The following COL6A1 variants were observed in gnomAD, a reference collection of about 807,000 sequenced individuals.
COL6A1 encodes collagen type VI alpha 1 chain.
In COL6A1, 80 loss-of-function variants were observed where a neutral mutation model predicts 145.6. The ratio of observed to expected loss-of-function variants is 0.55; its 90% CI spans 0.46 to 0.66. The LOEUF (loss-of-function observed/expected upper bound fraction) is 0.66, where lower values mean the gene tolerates loss of function less well. COL6A1 is among the 30% of genes least tolerant of loss of function. The pLI is 0.00. For missense variants in COL6A1, 1,364 were observed against 1,473.8 expected (o/e 0.93, Z 1.22); for synonymous variants, 638 against 622.8 (o/e 1.02, Z -0.36).
At chr21:45,987,438 G>C in intron 6 of COL6A1, 61 bp from the exon 7 acceptor site, 1 of 1,610,274 alleles carries the variant, frequency 6.2e-7, no homozygotes, top group Non-Finnish European at 8.5e-7. Context: ...ATGTCACCCT[G>C]TGTCCCAGCC....
intron 27 of COL6A1, 34 bp from the exon 28 acceptor site, chr21:46,000,297 T>A: frequency 6.2e-7 from 1 of 1,613,498 alleles, no homozygotes; most frequent in South Asian, 1.1e-5. Context: ...AGGGGCTGTC[T>A]ATGGCCCCAG....
At chr21:45,999,789 T>TG in intron 27 of COL6A1, 97 bp downstream of exon 27, 1 of 720,396 alleles carries the variant, frequency 1.4e-6, no homozygotes, top group Non-Finnish European at 2.2e-6. Context: ...TAGACGCTGC[T>TG]CACGGGGGGG....
chr21:46,000,101 C>A (rs2077834670), intron 27 of COL6A1, among the ~76,000 whole-genome samples: 1 of 143,950 alleles, frequency 6.9e-6, no homozygotes, highest in South Asian at 2.3e-4. Flanking sequence ...TGAGGGGACC[C>A]GTGACGGCCA....
At position 45,992,363 on chromosome 21, in the gene COL6A1, G is replaced by A; in HGVS notation, c.1237G>A (p.Gly413Arg). The stretch of plus-strand genomic sequence containing the variant: ...CGGCGTCTGTTTCTCTTCATCCCAG[G>A]GGAACCCAGGACCTGACGGTGCCCC... The part of the protein sequence containing the change: ...PGEKGEAGDE[G>R]NPGPDGAPGE... Residue 413 changes from glycine to arginine, a missense_variant and splice_region_variant, in exon 18 of 35, where the codon GGG becomes AGG. By Grantham distance (125) the Gly-to-Arg change is moderately radical. Transcript: ENST00000361866. 6.2e-7 allele frequency: 1 copy of A among 1,613,720 alleles called. No individual in the cohort carries two copies. Among genetic ancestry groups the A allele is most frequent in the Non-Finnish European group, 8.5e-7 (1 of 1,180,016 alleles).
At chr21:45,990,940 G>A (rs909143548) in intron 14 of COL6A1, 39 bp from the exon 15 acceptor site, 18 of 1,612,604 alleles carry the variant, frequency 1.1e-5, no homozygotes, top group African/African-American at 6.7e-5. Flanking sequence ...GGCCGCGGTG[G>A]CCTCTGCCGG....
chr21:45,988,742 TCTC>T (rs1424718672), intron 8 of COL6A1, among the ~76,000 whole-genome samples: 4 of 152,086 alleles, frequency 2.6e-5, no homozygotes, highest in Non-Finnish European at 5.9e-5. Flanking sequence ...ATTTCTGGCT[TCTC>T]CTAAAAACCA....
At chr21:45,983,466 G>A (rs1423008832) in intron 2 of COL6A1, among the ~76,000 whole-genome samples, 1 of 152,096 alleles carries the variant, frequency 6.6e-6, no homozygotes, top group Non-Finnish European at 1.5e-5. Flanking sequence ...CTTAGCCGGC[G>A]TAGGAACCCC....
intron 8 of COL6A1, 102 bp downstream of exon 8, chr21:45,987,756 AG>A: frequency 7.6e-7 from 1 of 1,309,120 alleles, no homozygotes; most frequent in Non-Finnish European, 1.0e-6. Flanking sequence ...GAGGATCCAG[AG>A]GGGACGGCGG....
Position 46,002,610 on chromosome 21 carries a change from A to C in COL6A1, c.2334A>C (p.Ala778=), listed in dbSNP as rs1385321695. ...ATGTCATTTCTTGCCAAGGCCTGGC[A>C]CCATCCCAGGGCCGGCCCGGCCTCT... The part of the protein sequence containing the change: ...QLNVISCQGL[A]PSQGRPGLSL... The change falls in exon 33 of 35, where the codon GCA becomes GCC. Residue 778 remains alanine (A), a synonymous_variant. Coordinates refer to ENST00000361866, the MANE Select transcript of COL6A1 (RefSeq NM_001848.3). 1 of 1,613,948 alleles carries C rather than the reference A, an allele frequency of 6.2e-7. No individual in the cohort carries two copies. The highest frequency in any genetic ancestry group is 8.5e-7 in the Non-Finnish European group (1 of 1,180,010).
chr21:46,002,565 C>T lies in COL6A1; in HGVS notation c.2289C>T (p.Ile763=). The T allele has an allele frequency of 6.2e-7, 1 of 1,614,160 alleles. No homozygotes were observed. The highest frequency in any genetic ancestry group is 8.5e-7 in the Non-Finnish European group (1 of 1,180,006). The change falls in exon 33 of 35, where the codon ATC becomes ATT. Residue 763 remains isoleucine, a synonymous_variant. Coordinates refer to ENST00000361866, the MANE Select transcript of COL6A1 (RefSeq NM_001848.3). The stretch of plus-strand genomic sequence containing the variant: ...GCATCAAAGACGTGTTTGACTTCAT[C>T]CCAGGCTCAGACCAGCTCAATGTCA... ...SVGIKDVFDF[I]PGSDQLNVIS...
At chr21:46,001,039 G>T (rs2077841619) in intron 29 of COL6A1, 4 of 737,160 alleles carry the variant, frequency 5.4e-6, no homozygotes, top group Non-Finnish European at 8.8e-6. Context: ...CCCCACCCTA[G>T]CCTGGCTGAG....
chr21:45,998,997 A>G, intron 25 of COL6A1, 38 bp downstream of exon 25: 1 of 1,549,766 alleles, frequency 6.5e-7, no homozygotes, highest in Non-Finnish European at 8.7e-7. Context: ...CCCCAAGTCC[A>G]CCTGAGCCAG....
At chr21:45,999,429 C>T (rs1046746078) in intron 26 of COL6A1, 16 of 733,934 alleles carry the variant, frequency 2.2e-5, no homozygotes, top group African/African-American at 5.2e-5. Context: ...AGGGACACAG[C>T]GGGTCCTCAG....
chr21:46,002,973 C>T, intron 33 of COL6A1, 147 bp from the exon 34 acceptor site: 4 of 1,225,452 alleles, frequency 3.3e-6, no homozygotes, highest in Non-Finnish European at 3.5e-6. Flanking sequence ...CCGCCTGGGG[C>T]TGTCCCACAG....
rs182762238 is a variant in COL6A1, at chr21:45,994,465, C to T, written c.1398+236C>T. On this transcript the variant is annotated intron_variant, in intron 20 of 34. Coordinates refer to ENST00000361866, the MANE Select transcript of COL6A1 (RefSeq NM_001848.3). This position sits in a 1 kb window ranked among gnomAD's most constrained non-coding sequence, Gnocchi z 6.8. ...AGCGCCCGGGGGCCTGACGCTGAGA[C>T]GCTCAGCCCAGGTGGAGAAGCGCTG... 3.5e-3 allele frequency among the ~76,000 whole-genome samples: 530 copies of T among 152,188 alleles called. 1 individual carries two copies. Among genetic ancestry groups the T allele is most frequent in the South Asian group, 0.011 (52 of 4,820 alleles).
intron 31 of COL6A1, 40 bp from the exon 32 acceptor site, chr21:46,002,178 G>A: frequency 6.3e-7 from 1 of 1,576,062 alleles, no homozygotes; most frequent in Non-Finnish European, 8.6e-7. Context: ...CCCGCGGCAG[G>A]CCTGGCCCCA....
chr21:46,002,046 T>C lies in COL6A1; in HGVS notation c.2042T>C (p.Ile681Thr), dbSNP rs138884734. The C allele has an allele frequency of 2.8e-3, 4,488 of 1,612,250 alleles. 69 individuals are homozygous for C. The African/African-American group carries it at 0.039, about 14-fold the overall frequency. ...CACGTGAGCCTGCGCAGCCCCAGCA[T>C]CCGGAACGTGCAGGAGCTCAAGGAG... ...QEHVSLRSPS[I>T]RNVQELKEAI... The change falls in exon 31 of 35, where the codon ATC becomes ACC. Residue 681 changes from isoleucine (I) to threonine (T), a missense_variant. Transcript: ENST00000361866.
In COL6A1 at chr21:46,002,418, C is replaced by A. The variant is rs1977778280; in HGVS notation, c.2250+17C>A. 3 of 1,609,428 alleles carry A rather than the reference C, an allele frequency of 1.9e-6. No homozygotes were observed. Among genetic ancestry groups the A allele is most frequent in the East Asian group, 2.2e-5 (1 of 44,740 alleles). ...GGCATCCAGGTGGGGTGGCCACCCC[C>A]AGGCTGCACCTGCCCCGCCTAGGGC... On this transcript the variant is annotated intron_variant, in intron 32 of 34. Coordinates refer to ENST00000361866, the MANE Select transcript of COL6A1 (RefSeq NM_001848.3).
rs1569518335 is a variant in COL6A1 at position 45,992,147 on chromosome 21, AC to A, written c.1183-14del. On this transcript the variant is annotated splice_polypyrimidine_tract_variant and intron_variant, in intron 16 of 34. Coordinates refer to ENST00000361866, the MANE Select transcript of COL6A1 (RefSeq NM_001848.3). ...GTCAAGGAGATGGAGCGACCATTCA[AC>A]CCTTGTTCCCCACAGGGCCAGCCGG... 1 of 1,613,412 alleles carries A rather than the reference AC, an allele frequency of 6.2e-7. No individual in the cohort carries two copies. The highest frequency in any genetic ancestry group is 1.1e-5 in the South Asian group (1 of 91,062).
Sources: allele counts gnomAD v4.1 joint callset (sites outside exome capture counted in the v4.1 genomes callset), GRCh38; gene constraint gnomAD v4.1.1; non-coding constraint Gnocchi (gnomAD v3.1); transcripts MANE v1.5; gene names NCBI Gene and HGNC (gene_info 2026-07-23, HGNC 2026-07-21).